The following PAMR1 variants were observed in gnomAD, a reference collection of about 807,000 sequenced individuals.
PAMR1 encodes peptidase domain containing associated with muscle regeneration 1, also known as inactive serine protease PAMR1.
PAMR1 carries 88 observed loss-of-function variants against 81.8 expected under a neutral mutation model. The observed-to-expected ratio is 1.08, with a 90% confidence interval of 0.91 to 1.28. The LOEUF (loss-of-function observed/expected upper bound fraction) is 1.28, where lower values mean the gene tolerates loss of function less well. PAMR1 is among the 50% of genes most tolerant of loss of function. The probability of loss-of-function intolerance (pLI) is 0.00; values close to 1 mark genes in which losing one functional copy is unlikely to be tolerated. For synonymous variants in PAMR1, 336 were observed against 345.3 expected, an observed-to-expected ratio of 0.97 and a Z score of 0.30; for missense variants, 935 against 919.7, an observed-to-expected ratio of 1.02 and a Z score of -0.21.
upstream of PAMR1, among the ~76,000 whole-genome samples, chr11:35,528,581 T>C (rs7952594): frequency 0.035 from 5,323 of 152,272 alleles, 308 homozygotes; most frequent in African/African-American, 0.12. Context: ...TAAAAAACTT[T>C]TGTTTGTTTT....
At chr11:35,451,148 A>T (rs1856410223) in intron 6 of PAMR1, among the ~76,000 whole-genome samples, 1 of 152,226 alleles carries the variant, frequency 6.6e-6, no homozygotes, top group Admixed American at 6.5e-5. Flanking sequence ...CTTGGAAGGA[A>T]GTGCTTTCAT....
At chr11:35,509,055 G>A (rs1246837016) in intron 1 of PAMR1, among the ~76,000 whole-genome samples, 1 of 152,158 alleles carries the variant, frequency 6.6e-6, no homozygotes, top group Non-Finnish European at 1.5e-5. Context: ...TGACCAAAAT[G>A]TCATTATATA....
chr11:35,436,071 T>C lies in PAMR1; in HGVS notation c.1165A>G (p.Thr389Ala). 1.9e-6 allele frequency: 3 copies of C among 1,614,140 alleles called. No homozygotes were observed. The highest frequency in any genetic ancestry group is 2.5e-6 in the Non-Finnish European group (3 of 1,180,018). ...CCAAAGGGAAGGGCTGGCTTCTTGGTAGGGGCACTCTGCAGTTTCTGCTTG... is the reference window on the plus strand; with the variant it reads ...CCAAAGGGAAGGGCTGGCTTCTTGGCAGGGGCACTCTGCAGTTTCTGCTTG... ...FSKQKLQSAP[T>A]KKPALPFGDL... The change falls in exon 9 of 11, where the codon ACC (threonine) becomes GCC (alanine). Residue 389 changes from threonine (T) to alanine (A), a missense_variant. By Grantham distance (58) the Thr-to-Ala change is moderately conservative. Transcript: ENST00000619888.
intron 9 of PAMR1, 44 bp from the exon 10 acceptor site, chr11:35,434,848 C>A (rs763309935): frequency 6.3e-7 from 1 of 1,577,444 alleles, no homozygotes. Context: ...TCAGACTTTG[C>A]CATCCAAAGG....
intron 3 of PAMR1, among the ~76,000 whole-genome samples, chr11:35,485,768 C>G (rs1850486944): frequency 6.7e-6 from 1 of 149,126 alleles, no homozygotes; most frequent in African/African-American, 2.5e-5. Context: ...CGCCACTCCT[C>G]CCTCCTTCTA....
chr11:35,520,505 C>T (rs1363937510), intron 1 of PAMR1, among the ~76,000 whole-genome samples: 1 of 152,230 alleles, frequency 6.6e-6, no homozygotes, highest in East Asian at 1.9e-4. Flanking sequence ...GGCTTGGAAT[C>T]TAATAGAGTT....
intron 4 of PAMR1, 31 bp from the exon 5 acceptor site, chr11:35,470,849 A>C: frequency 6.6e-7 from 1 of 1,524,850 alleles, no homozygotes; most frequent in Non-Finnish European, 9.1e-7. Flanking sequence ...GGAGGGAAGC[A>C]GATGGGCCCT....
At chr11:35,491,978 G>A (rs1850634725) in intron 3 of PAMR1, 67 bp downstream of exon 3, 1 of 1,380,670 alleles carries the variant, frequency 7.2e-7, no homozygotes, top group Non-Finnish European at 9.6e-7. Flanking sequence ...ATAAATTTTG[G>A]TCCATTGTAA....
At chr11:35,504,975 A>G (rs11033151) in intron 1 of PAMR1, among the ~76,000 whole-genome samples, 67,887 of 151,328 alleles carry the variant, frequency 0.45, 15,638 homozygotes, top group East Asian at 0.69. Context: ...CACTTTTTTG[A>G]TGTAGGTGTT....
intron 3 of PAMR1, among the ~76,000 whole-genome samples, chr11:35,488,099 A>C (rs1850544771): frequency 6.6e-6 from 1 of 151,796 alleles, no homozygotes; most frequent in Non-Finnish European, 1.5e-5. Context: ...CATGGTCTTA[A>C]CTTCTTCAGT....
At chr11:35,458,834 A>T (rs1312739587) in intron 6 of PAMR1, among the ~76,000 whole-genome samples, 2 of 152,240 alleles carry the variant, frequency 1.3e-5, no homozygotes, top group African/African-American at 4.8e-5. Context: ...AGACAGCATC[A>T]CATGGCCTCT....
intron 3 of PAMR1, among the ~76,000 whole-genome samples, chr11:35,475,444 C>G (rs1850268125): frequency 6.6e-6 from 1 of 152,208 alleles, no homozygotes; most frequent in Non-Finnish European, 1.5e-5. Flanking sequence ...GCCCAAAACC[C>G]TCCACCCCGA....
At chr11:35,458,976 C>T (rs1314418825) in intron 6 of PAMR1, among the ~76,000 whole-genome samples, 1 of 152,204 alleles carries the variant, frequency 6.6e-6, no homozygotes, top group Admixed American at 6.5e-5. Context: ...ATGTAATCCC[C>T]ACTGAAAACT....
At chr11:35,497,034 G>C (rs2135404425) in intron 1 of PAMR1, among the ~76,000 whole-genome samples, 1 of 152,202 alleles carries the variant, frequency 6.6e-6, no homozygotes, top group Non-Finnish European at 1.5e-5. Context: ...GGGAGCAGTG[G>C]TGCACACCTG....
At chr11:35,516,354 C>T (rs1455855602) in intron 1 of PAMR1, among the ~76,000 whole-genome samples, 1 of 152,208 alleles carries the variant, frequency 6.6e-6, no homozygotes, top group African/African-American at 2.4e-5. Context: ...TGTGCATGCA[C>T]ATGTAAACTT....
chr11:35,459,221 C>T (rs887590401), intron 6 of PAMR1, among the ~76,000 whole-genome samples: 3 of 152,174 alleles, frequency 2.0e-5, no homozygotes, highest in South Asian at 2.1e-4. Context: ...ACCACTTTTC[C>T]GGTATTTGGA....
chr11:35,460,596 T>C (rs1407193537), intron 6 of PAMR1, among the ~76,000 whole-genome samples: 2 of 152,212 alleles, frequency 1.3e-5, no homozygotes, highest in South Asian at 2.1e-4. Flanking sequence ...GTCCTTGTGA[T>C]AGTTTGCTGA....
chr11:35,510,250 A>G (rs1851047622), intron 1 of PAMR1, among the ~76,000 whole-genome samples: 1 of 152,028 alleles, frequency 6.6e-6, no homozygotes, highest in Non-Finnish European at 1.5e-5. Flanking sequence ...TCCCCACTAG[A>G]GCTGTGCATT....
At chr11:35,519,609 ACC>A (rs1288497306) in intron 1 of PAMR1, among the ~76,000 whole-genome samples, 1 of 151,988 alleles carries the variant, frequency 6.6e-6, no homozygotes, top group Non-Finnish European at 1.5e-5. Flanking sequence ...TCTGCCTGGC[ACC>A]CCTGTTTCCT....
Sources: gnomAD v4.1 joint callset for allele counts (sites outside exome capture counted in the v4.1 genomes callset) on GRCh38, gnomAD v4.1.1 for gene constraint, MANE v1.5 for transcripts, NCBI Gene and HGNC (gene_info 2026-07-23, HGNC 2026-07-21) for gene names.